PPP2R5E: variants seen among roughly 807,000 people sequenced by gnomAD.
The protein encoded by PPP2R5E is serine/threonine-protein phosphatase 2A 56 kDa regulatory subunit epsilon isoform.
PPP2R5E carries 4 observed loss-of-function variants against 65.3 expected under a neutral mutation model. That is an observed-to-expected ratio of 0.06 (90% CI 0.03 to 0.14). The LOEUF (loss-of-function observed/expected upper bound fraction) is 0.14, where lower values mean the gene tolerates loss of function less well. Ranked by LOEUF, PPP2R5E falls within the 10% of genes least tolerant of loss-of-function variation. PPP2R5E has a pLI of 1.00. For missense variants in PPP2R5E, 274 were observed against 556.1 expected (o/e 0.49, Z 5.10); for synonymous variants, 183 against 187.4 (o/e 0.98, Z 0.19).
intron 3 of PPP2R5E, among the ~76,000 whole-genome samples, chr14:63,424,129 A>G (rs889588231): frequency 1.3e-5 from 2 of 152,246 alleles, no homozygotes; most frequent in African/African-American, 4.8e-5. Flanking sequence ...GACTGATTCA[A>G]AAAGGTAGTG....
intron 3 of PPP2R5E, among the ~76,000 whole-genome samples, chr14:63,436,330 A>T (rs1178351654): frequency 6.6e-6 from 1 of 152,250 alleles, no homozygotes; most frequent in Non-Finnish European, 1.5e-5. Context: ...AAGCATACAC[A>T]AAACATTTGA....
intron 2 of PPP2R5E, among the ~76,000 whole-genome samples, chr14:63,489,763 T>C (rs982432732): frequency 2.0e-5 from 3 of 151,618 alleles, no homozygotes; most frequent in Non-Finnish European, 4.4e-5. Flanking sequence ...CACCAAGATT[T>C]AGAACGTTTC....
At chr14:63,461,943 T>C (rs1396197938) in intron 2 of PPP2R5E, among the ~76,000 whole-genome samples, 1 of 151,926 alleles carries the variant, frequency 6.6e-6, no homozygotes, top group Non-Finnish European at 1.5e-5. Context: ...CTTTTCCCAG[T>C]ACTGCCAACA....
chr14:63,390,325 C>G (rs1884944818), intron 10 of PPP2R5E, among the ~76,000 whole-genome samples: 1 of 150,020 alleles, frequency 6.7e-6, no homozygotes, highest in Non-Finnish European at 1.5e-5. Context: ...CACACACACA[C>G]ACACACACAC....
intron 13 of PPP2R5E, 96 bp downstream of exon 13, chr14:63,381,960 T>C: frequency 1.1e-6 from 1 of 935,794 alleles, no homozygotes; most frequent in Non-Finnish European, 1.6e-6. Context: ...ATTGTGCTGC[T>C]TAAGATTTGG....
At chr14:63,419,558 C>G (rs1185350636) in intron 4 of PPP2R5E, among the ~76,000 whole-genome samples, 1 of 152,172 alleles carries the variant, frequency 6.6e-6, no homozygotes, top group Non-Finnish European at 1.5e-5. Flanking sequence ...GGAAAGGTGG[C>G]TAATTTGTGC....
At chr14:63,501,348 T>A (rs1594946338) in intron 2 of PPP2R5E, among the ~76,000 whole-genome samples, 1 of 147,212 alleles carries the variant, frequency 6.8e-6, no homozygotes, top group Non-Finnish European at 1.5e-5. Context: ...GAGCTTGCAG[T>A]GAGCCGATAC....
At chr14:63,410,510 T>C (rs1401818950) in intron 5 of PPP2R5E, among the ~76,000 whole-genome samples, 2 of 151,802 alleles carry the variant, frequency 1.3e-5, no homozygotes, top group Non-Finnish European at 2.9e-5. Flanking sequence ...TGGGGTAAAA[T>C]ATCAGCATCA....
chr14:63,500,957 CAT>C (rs1462984622), intron 2 of PPP2R5E, among the ~76,000 whole-genome samples: 1 of 152,154 alleles, frequency 6.6e-6, no homozygotes, highest in African/African-American at 2.4e-5. Flanking sequence ...GTGCTTTCCA[CAT>C]GTTAACTCAT....
intron 2 of PPP2R5E, among the ~76,000 whole-genome samples, chr14:63,494,746 C>T (rs1201321645): frequency 1.3e-5 from 2 of 151,466 alleles, no homozygotes; most frequent in African/African-American, 4.9e-5. Flanking sequence ...AATACAAAAA[C>T]TAGCCAAGCA....
Position 63,461,917 on chromosome 14 carries a change from CTCT to C in PPP2R5E, c.158-8035_158-8033del, listed in dbSNP as rs774841417. On this transcript the variant is annotated intron_variant, in intron 2 of 13. Coordinates refer to ENST00000337537, the MANE Select transcript of PPP2R5E (RefSeq NM_006246.5). ...GTATATTCTCTCTCGACCTTCCTTT[CTCT>C]TCTTATTTTTCACTTTTCCCAGTAC... is the stretch of plus-strand genomic sequence containing the variant. 7.9e-5 allele frequency among the ~76,000 whole-genome samples: 12 copies of C among 152,228 alleles called. No individual in the cohort carries two copies. The South Asian group carries it at 8.3e-4, about 11-fold the overall frequency.
intron 2 of PPP2R5E, among the ~76,000 whole-genome samples, chr14:63,476,119 G>A (rs1418412365): frequency 6.6e-6 from 1 of 152,138 alleles, no homozygotes; most frequent in Non-Finnish European, 1.5e-5. Context: ...ATTAACACAA[G>A]CTGGAGTCAG....
intron 3 of PPP2R5E, among the ~76,000 whole-genome samples, chr14:63,425,491 A>C (rs1238831368): frequency 6.6e-6 from 1 of 152,224 alleles, no homozygotes; most frequent in Non-Finnish European, 1.5e-5. Flanking sequence ...CAAGACATGA[A>C]AGTAAACCAT....
intron 5 of PPP2R5E, among the ~76,000 whole-genome samples, chr14:63,402,053 T>C (rs1885784899): frequency 6.6e-6 from 1 of 151,990 alleles, no homozygotes; most frequent in African/African-American, 2.4e-5. Flanking sequence ...AAGTATCTAA[T>C]CTTGGAGACA....
chr14:63,387,015 G>A (rs550257302), intron 11 of PPP2R5E, among the ~76,000 whole-genome samples: 136 of 152,242 alleles, frequency 8.9e-4, no homozygotes, highest in South Asian at 4.4e-3. Context: ...TCCAGGTAGA[G>A]GGCATTAAGG....
intron 13 of PPP2R5E, among the ~76,000 whole-genome samples, chr14:63,380,256 A>G (rs1284366088): frequency 6.6e-6 from 1 of 152,242 alleles, no homozygotes; most frequent in Non-Finnish European, 1.5e-5. Context: ...ACACAGTATT[A>G]AAATGTACCC....
intron 13 of PPP2R5E, among the ~76,000 whole-genome samples, chr14:63,378,325 T>C (rs540915714): frequency 6.6e-6 from 1 of 152,170 alleles, no homozygotes; most frequent in Non-Finnish European, 1.5e-5. Flanking sequence ...ATGCCAGAGG[T>C]TGTAAAACTT....
chr14:63,410,700 A>G (rs1476847358), intron 5 of PPP2R5E, among the ~76,000 whole-genome samples: 1 of 152,214 alleles, frequency 6.6e-6, no homozygotes, highest in Non-Finnish European at 1.5e-5. Flanking sequence ...CAGATTACCA[A>G]CATGAATGAG....
Position 63,391,819 on chromosome 14 carries a change from C to G in PPP2R5E, c.952G>C (p.Glu318Gln). 6.2e-7 allele frequency: 1 copy of G among 1,613,006 alleles called. No individual in the cohort carries two copies. Among genetic ancestry groups the G allele is most frequent in the South Asian group, 1.1e-5 (1 of 91,058 alleles). ...ACTCTCTGACAGTAAGCACTTACCTCTTTTTGACTACATGTTTTAGGCCAA... is the reference window on the plus strand; with the variant it reads ...ACTCTCTGACAGTAAGCACTTACCTGTTTTTGACTACATGTTTTAGGCCAA... ...KFWPKTCSQK[E>Q]VMFLGELEEI... Residue 318 changes from glutamate (E) to glutamine (Q), a missense_variant and splice_region_variant, in exon 10 of 14, where the codon GAG becomes CAG. Coordinates refer to ENST00000337537, the MANE Select transcript of PPP2R5E (RefSeq NM_006246.5).
Sources: gnomAD v4.1 joint callset for allele counts (sites outside exome capture counted in the v4.1 genomes callset) on GRCh38, gnomAD v4.1.1 for gene constraint, MANE v1.5 for transcripts, NCBI Gene and HGNC (gene_info 2026-07-23, HGNC 2026-07-21) for gene names.